Variants in AUH observed in about 807,000 individuals in gnomAD.
The protein encoded by AUH is methylglutaconyl-CoA hydratase, mitochondrial.
In AUH, 29 loss-of-function variants were observed where a neutral mutation model predicts 42.3. The ratio of observed to expected loss-of-function variants is 0.69; its 90% CI spans 0.51 to 0.93. The LOEUF (loss-of-function observed/expected upper bound fraction) is 0.93. Ranked by LOEUF, AUH falls within the 40% of genes least tolerant of loss-of-function variation. The pLI is 0.00. For missense variants in AUH, 452 were observed against 438.1 expected (o/e 1.03, Z -0.28); for synonymous variants, 174 against 166.4 (o/e 1.05, Z -0.35).
chr9:91,277,743 C>G, intron 6 of AUH, among the ~76,000 whole-genome samples: 1 of 152,132 alleles, frequency 6.6e-6, no homozygotes, highest in Non-Finnish European at 1.5e-5. Context: ...AAGAAATCCT[C>G]AATTACTAAA....
In AUH at chr9:91,291,090, G is replaced by T. The variant is rs544244108; in HGVS notation, c.655+4931C>A. Among the ~76,000 whole-genome samples the T allele has an allele frequency of 7.8e-4, 119 of 152,212 alleles. 1 individual carries two copies. In the Middle Eastern group the frequency reaches 0.01, roughly 13 times the overall value. ...TCACCCATGGCTTCCCGTGGCTGCC[G>T]ACAACCCTTGGCATTCCTTGGCATG... On this transcript the variant is annotated intron_variant, in intron 6 of 9. Coordinates refer to ENST00000375731, the MANE Select transcript of AUH (RefSeq NM_001698.3).
chr9:91,226,424 T>G (rs1197190086), intron 6 of AUH, among the ~76,000 whole-genome samples: 2 of 150,650 alleles, frequency 1.3e-5, no homozygotes, highest in African/African-American at 2.4e-5. Context: ...TAAATTTGTT[T>G]GAGTTCATTG....
chr9:91,316,423 A>C (rs1387242646), intron 4 of AUH, among the ~76,000 whole-genome samples: 2 of 152,222 alleles, frequency 1.3e-5, no homozygotes, highest in Non-Finnish European at 2.9e-5. Flanking sequence ...GTCTTATGGA[A>C]TGTGGATATT....
At chr9:91,305,773 A>G (rs559559659) in intron 4 of AUH, among the ~76,000 whole-genome samples, 4 of 152,312 alleles carry the variant, frequency 2.6e-5, no homozygotes, top group African/African-American at 9.6e-5. Context: ...TGACACACTG[A>G]GGCACAAAGG....
chr9:91,344,345 C>T (rs1456480655), intron 3 of AUH, among the ~76,000 whole-genome samples: 1 of 152,142 alleles, frequency 6.6e-6, no homozygotes, highest in African/African-American at 2.4e-5. Context: ...TTCCAGTTGT[C>T]CCACCTGTCC....
Position 91,267,746 on chromosome 9 carries a change from A to G in AUH, c.655+28275T>C, listed in dbSNP as rs1343513176. ...CATTTGGTTGCTTCTTCTCTCAGGT[A>G]CTGAGTACTCCAGGCAGGCAGGGCA... On this transcript the variant is annotated intron_variant, in intron 6 of 9. Coordinates refer to ENST00000375731, the MANE Select transcript of AUH (RefSeq NM_001698.3). Among the ~76,000 whole-genome samples the G allele has an allele frequency of 2.0e-5, 3 of 152,194 alleles. No homozygotes were observed. In the East Asian group the frequency reaches 5.8e-4, roughly 29 times the overall value.
In AUH at chr9:91,224,620, T is replaced by C. The variant is rs371506272; in HGVS notation, c.656-3628A>G. 3.3e-5 allele frequency among the ~76,000 whole-genome samples: 5 copies of C among 152,334 alleles called. No homozygotes were observed. In the East Asian group the frequency reaches 9.6e-4, roughly 29 times the overall value. On this transcript the variant is annotated intron_variant, in intron 6 of 9. Transcript: ENST00000375731. Reference sequence around the variant, plus strand: ...TGGTCTTTGATCAGTTTTGTGTTAATTTTTGCATAGGGTATAAAGTATTCC... The same window carrying C: ...TGGTCTTTGATCAGTTTTGTGTTAACTTTTGCATAGGGTATAAAGTATTCC...
At chr9:91,243,000 C>G (rs1041320585) in intron 6 of AUH, among the ~76,000 whole-genome samples, 1 of 152,130 alleles carries the variant, frequency 6.6e-6, no homozygotes, top group African/African-American at 2.4e-5. Context: ...ATAACTACCA[C>G]GTATTGAGAA....
chr9:91,267,746 A>C (rs1343513176), intron 6 of AUH, among the ~76,000 whole-genome samples: 2 of 152,078 alleles, frequency 1.3e-5, no homozygotes, highest in Non-Finnish European at 2.9e-5. Context: ...TCTCTCAGGT[A>C]CTGAGTACTC....
chr9:91,285,608 T>G (rs1222797634), intron 6 of AUH, among the ~76,000 whole-genome samples: 1 of 152,108 alleles, frequency 6.6e-6, no homozygotes, highest in Non-Finnish European at 1.5e-5. Flanking sequence ...TCATCTCTCC[T>G]AACAGATTTT....
intron 4 of AUH, among the ~76,000 whole-genome samples, chr9:91,299,485 C>T (rs1827617145): frequency 5.9e-5 from 9 of 151,928 alleles, no homozygotes; most frequent in Admixed American, 5.9e-4. Context: ...GGCTTTTGCA[C>T]AGGCAGTATT....
intron 6 of AUH, among the ~76,000 whole-genome samples, chr9:91,270,487 G>A (rs920925128): frequency 6.6e-6 from 1 of 152,160 alleles, no homozygotes; most frequent in African/African-American, 2.4e-5. Flanking sequence ...AACGTCTACT[G>A]TAGATTCTCA....
intron 3 of AUH, among the ~76,000 whole-genome samples, chr9:91,347,047 GT>G (rs890327070): frequency 6.6e-6 from 1 of 151,432 alleles, no homozygotes; most frequent in Non-Finnish European, 1.5e-5. Context: ...TTTTTGTTTT[GT>G]TTTTTTGAGA....
At position 91,219,076 on chromosome 9, in the gene AUH, G is replaced by A. The variant is rs183064375; in HGVS notation, c.843+1729C>T. The A allele has an allele frequency of 3.4e-5, 33 of 969,012 alleles. 1 individual carries two copies. The Admixed American group carries it at 8.6e-4, about 25-fold the overall frequency. The allele number at this position is 969,012 out of a possible 1,614,324, so 60.0% of individuals were successfully genotyped here. ...GCTGGGTAACCACACAATGGGATGC[G>A]GCTCGACACACTGGCAGTGGAAGGA... is the stretch of plus-strand genomic sequence containing the variant. On this transcript the variant is annotated intron_variant, in intron 7 of 9. Transcript: ENST00000375731.
At chr9:91,292,240 C>T (rs936775330) in intron 6 of AUH, among the ~76,000 whole-genome samples, 2 of 150,786 alleles carry the variant, frequency 1.3e-5, no homozygotes, top group Non-Finnish European at 2.9e-5. Flanking sequence ...TGCAGAGAAA[C>T]ACAAGAAAGG....
intron 6 of AUH, among the ~76,000 whole-genome samples, chr9:91,238,152 T>G (rs1016565357): frequency 1.3e-5 from 2 of 152,146 alleles, no homozygotes; most frequent in Non-Finnish European, 2.9e-5. Flanking sequence ...TGGGACCAGT[T>G]TTTTCAGGGT....
chr9:91,343,458 A>C (rs1831251561), intron 3 of AUH, among the ~76,000 whole-genome samples: 1 of 152,236 alleles, frequency 6.6e-6, no homozygotes, highest in Non-Finnish European at 1.5e-5. Context: ...ACAATGTATC[A>C]ATATCAAAAA....
At position 91,361,652 on chromosome 9, in the gene AUH, G is replaced by T; in HGVS notation, c.238C>A (p.Arg80=). 1 of 1,582,880 alleles carries T rather than the reference G, an allele frequency of 6.3e-7. No homozygotes were observed. Among genetic ancestry groups the T allele is most frequent in the Non-Finnish European group, 8.6e-7 (1 of 1,165,102 alleles). The part of the protein sequence containing the change: ...EMKTEDELRV[R]HLEEENRGIV... ...CCTCGGTTCTCCTCCTCCAGGTGCC[G>T]CACCCGCAGCTCGTCCTCCGTCTTC... Residue 80 remains arginine, a synonymous_variant, in exon 1 of 10, where the codon CGG becomes AGG. Coordinates refer to ENST00000375731, the MANE Select transcript of AUH (RefSeq NM_001698.3).
chr9:91,259,096 A>G (rs1829564086), intron 6 of AUH, among the ~76,000 whole-genome samples: 1 of 152,184 alleles, frequency 6.6e-6, no homozygotes. Flanking sequence ...AGAAATGATA[A>G]TATTTCTTCC....
Sources: allele counts gnomAD v4.1 joint callset (sites outside exome capture counted in the v4.1 genomes callset), GRCh38; gene constraint gnomAD v4.1.1; transcripts MANE v1.5; gene names NCBI Gene and HGNC (gene_info 2026-07-23, HGNC 2026-07-21).